The following TBXAS1 variants were observed in gnomAD, a reference collection of about 807,000 sequenced individuals.
TBXAS1 encodes thromboxane A synthase 1, also known as thromboxane-A synthase.
In TBXAS1, 48 loss-of-function variants were observed where a neutral mutation model predicts 60.7. The observed-to-expected ratio is 0.79, with a 90% CI of 0.63 to 1.01. The LOEUF is 1.01. TBXAS1 is among the 50% of genes least tolerant of loss of function. The probability of loss-of-function intolerance (pLI) is 0.00; values close to 1 mark genes in which losing one functional copy is unlikely to be tolerated. For missense variants in TBXAS1, 685 were observed against 686.3 expected (o/e 1.00, Z 0.02); for synonymous variants, 287 against 269.7 (o/e 1.06, Z -0.63).
intron 4 of TBXAS1, among the ~76,000 whole-genome samples, chr7:139,914,770 C>A (rs1366074641): frequency 6.6e-6 from 1 of 152,166 alleles, no homozygotes; most frequent in Non-Finnish European, 1.5e-5. Flanking sequence ...TCCCCTTGTG[C>A]CTTCCAGTAT....
chr7:139,993,185 T>C (rs1393215394), intron 9 of TBXAS1, among the ~76,000 whole-genome samples: 6 of 151,860 alleles, frequency 4.0e-5, no homozygotes, highest in Admixed American at 3.9e-4. Context: ...TCTCAATAAA[T>C]ACATAAATGG....
intron 5 of TBXAS1, among the ~76,000 whole-genome samples, chr7:139,939,231 G>T (rs1245305635): frequency 2.0e-5 from 3 of 152,002 alleles, no homozygotes; most frequent in Non-Finnish European, 4.4e-5. Context: ...CAGTGTGGTG[G>T]CAGGCACCTG....
intron 3 of TBXAS1, among the ~76,000 whole-genome samples, chr7:139,784,391 A>C (rs1213526783): frequency 6.6e-6 from 1 of 152,142 alleles, no homozygotes; most frequent in African/African-American, 2.4e-5. Flanking sequence ...CTGGCTTTCA[A>C]GGAGCTCAAG....
At chr7:139,830,186 C>T (rs528995745) in intron 1 of TBXAS1, among the ~76,000 whole-genome samples, 2 of 152,126 alleles carry the variant, frequency 1.3e-5, no homozygotes, top group South Asian at 2.1e-4. Context: ...TATGCATATT[C>T]GCCCTGTCAG....
chr7:139,808,128 T>G (rs145783603), intron 4 of TBXAS1, among the ~76,000 whole-genome samples: 14,319 of 151,606 alleles, frequency 0.094, 803 homozygotes, highest in Non-Finnish European at 0.13. Flanking sequence ...GCCCAGGAGA[T>G]TGAGACCAGC....
At chr7:139,921,222 A>G (rs1405701871) in intron 4 of TBXAS1, among the ~76,000 whole-genome samples, 1 of 152,142 alleles carries the variant, frequency 6.6e-6, no homozygotes, top group Non-Finnish European at 1.5e-5. Context: ...GGGTTCCCTC[A>G]TGCCTCTTCT....
intron 1 of TBXAS1, among the ~76,000 whole-genome samples, chr7:139,848,208 C>T (rs542583326): frequency 1.3e-4 from 20 of 152,134 alleles, no homozygotes; most frequent in African/African-American, 2.4e-4. Context: ...TGGTCTTAAA[C>T]GCCTGAGGTC....
At chr7:139,997,580 C>T (rs1231437100) in intron 9 of TBXAS1, among the ~76,000 whole-genome samples, 2 of 152,098 alleles carry the variant, frequency 1.3e-5, no homozygotes, top group Non-Finnish European at 2.9e-5. Context: ...TACACACACA[C>T]TATATGAATA....
rs1224372733 is a variant in TBXAS1 at position 139,809,353 on chromosome 7, TAGATAGATAGATAGAC to T, written c.-79-19955_-79-19940del. Reference sequence around the variant, plus strand: ...ATAGATAGATAGATAGATAGATAGATAGATAGATAGATAGACAGACAGAACCAACAGGAGATAGATA... The same window carrying T: ...ATAGATAGATAGATAGATAGATAGATAGACAGAACCAACAGGAGATAGATA... On this transcript the variant is annotated intron_variant, in intron 4 of 16. Transcript: ENST00000336425. Among the ~76,000 whole-genome samples, 211 of 151,670 alleles carry T rather than the reference TAGATAGATAGATAGAC, an allele frequency of 1.4e-3. 1 individual carries two copies. The highest frequency in any genetic ancestry group is 4.5e-3 in the African/African-American group (184 of 41,242).
intron 10 of TBXAS1, among the ~76,000 whole-genome samples, chr7:140,014,957 G>C: frequency 6.6e-6 from 1 of 151,748 alleles, no homozygotes; most frequent in Non-Finnish European, 1.5e-5. Context: ...AAGAAGAAGA[G>C]GAGGAGGAGG....
chr7:139,976,822 T>C (rs1288725414), intron 9 of TBXAS1, among the ~76,000 whole-genome samples: 1 of 152,176 alleles, frequency 6.6e-6, no homozygotes, highest in Middle Eastern at 3.2e-3. Flanking sequence ...ATAGTGACAT[T>C]GGGTTGCATT....
At chr7:139,873,066 C>A (rs1245081509) in intron 2 of TBXAS1, among the ~76,000 whole-genome samples, 1 of 152,186 alleles carries the variant, frequency 6.6e-6, no homozygotes, top group Non-Finnish European at 1.5e-5. Context: ...AGAGGGTGAT[C>A]TGTCAGGGCT....
intron 1 of TBXAS1, among the ~76,000 whole-genome samples, chr7:139,868,640 C>A (rs1428713464): frequency 6.7e-6 from 1 of 150,220 alleles, no homozygotes; most frequent in Admixed American, 6.7e-5. Context: ...TGTGCCACCA[C>A]ACCTGGCTAA....
At chr7:139,972,080 G>T (rs1239734429) in intron 9 of TBXAS1, among the ~76,000 whole-genome samples, 1 of 152,086 alleles carries the variant, frequency 6.6e-6, no homozygotes, top group African/African-American at 2.4e-5. Flanking sequence ...TTTTTTTCTG[G>T]GCTGCCTGGC....
upstream of TBXAS1, among the ~76,000 whole-genome samples, chr7:139,826,023 A>AT (rs955007272): frequency 8.6e-5 from 13 of 151,874 alleles, no homozygotes; most frequent in East Asian, 1.9e-4. Context: ...CCTTTAAGAT[A>AT]TTTTTTTTCT....
Position 140,013,187 on chromosome 7 carries a change from CTG to C in TBXAS1, c.1227-2534_1227-2533del, listed in dbSNP as rs1394135466. Among the ~76,000 whole-genome samples the C allele has an allele frequency of 1.3e-5, 2 of 152,052 alleles. No homozygotes were observed. Among genetic ancestry groups the C allele is most frequent in the African/African-American group, 4.8e-5 (2 of 41,390 alleles). ...TTGAAGGGAGTTCTGACAGGTAAGA[CTG>C]TTGTCTGGCAAGTGAACTGTTTGCT... On this transcript the variant is annotated intron_variant, in intron 10 of 12. Coordinates refer to ENST00000448866, the MANE Select transcript of TBXAS1 (RefSeq NM_001061.7). This position sits in a 1 kb window ranked among gnomAD's most constrained non-coding sequence, Gnocchi z 4.2.
Position 139,951,843 on chromosome 7 carries a change from GAAGGAAGGAAGGAAGGAAA to G in TBXAS1, c.451-1524_451-1506del, listed in dbSNP as rs1569518329. 2.5e-3 allele frequency among the ~76,000 whole-genome samples: 60 copies of G among 23,564 alleles called. 6 individuals carry two copies. Among genetic ancestry groups the G allele is most frequent in the Admixed American group, 0.02 (33 of 1,624 alleles). 15.5% of individuals were successfully genotyped at this position (23,564 alleles called of 152,430 possible). ...AGGAAAGAAAGAGGAAAGAAAGAAA[GAAGGAAGGAAGGAAGGAAA>G]GAAGGAAGGAAGGAAGGAAAGAAGG... is the stretch of plus-strand genomic sequence containing the variant. On this transcript the variant is annotated intron_variant, in intron 5 of 12. Transcript: ENST00000448866.
chr7:139,836,112 G>A (rs765168502), intron 1 of TBXAS1, among the ~76,000 whole-genome samples: 1 of 151,422 alleles, frequency 6.6e-6, no homozygotes. Context: ...CCTAACCAAA[G>A]AGTTGAAAAG....
At chr7:140,015,138 C>G (rs1025919337) in intron 10 of TBXAS1, among the ~76,000 whole-genome samples, 6 of 151,984 alleles carry the variant, frequency 3.9e-5, no homozygotes, top group African/African-American at 1.5e-4. Flanking sequence ...ATAGACAGAC[C>G]AAGTCAGATG....
Sources: allele counts gnomAD v4.1 joint callset (sites outside exome capture counted in the v4.1 genomes callset), GRCh38; gene constraint gnomAD v4.1.1; non-coding constraint Gnocchi (gnomAD v3.1); transcripts MANE v1.5; gene names NCBI Gene and HGNC (gene_info 2026-07-23, HGNC 2026-07-21).